Variants in TGIF1 observed in about 807,000 individuals in gnomAD.
The protein encoded by TGIF1 is homeobox protein TGIF1.
A neutral mutation model predicts 19.3 loss-of-function variants in TGIF1; 4 were observed. The observed-to-expected ratio is 0.21, with a 90% confidence interval of 0.10 to 0.47. TGIF1 has a LOEUF of 0.47. Among genes scored for constraint, TGIF1 ranks in the 20% least tolerant of loss-of-function variants. The pLI is 0.98. For synonymous variants in TGIF1, 122 were observed against 129.3 expected (o/e 0.94, Z 0.38); for missense variants, 275 against 341.4 (o/e 0.81, Z 1.53).
chr18:3,445,178 G>A (rs188390402), upstream of TGIF1, among the ~76,000 whole-genome samples: 17 of 152,284 alleles, frequency 1.1e-4, no homozygotes, highest in East Asian at 2.5e-3. Flanking sequence ...GGTGATCAGC[G>A]AAGACTCCTC....
chr18:3,450,611 C>T (rs1416692447), intron 1 of TGIF1, 106 bp downstream of exon 1: 1 of 1,543,426 alleles, frequency 6.5e-7, no homozygotes, highest in Non-Finnish European at 8.7e-7. Context: ...CGCCCAGGGG[C>T]TCTCATGCTG....
intron 2 of TGIF1, among the ~76,000 whole-genome samples, chr18:3,428,642 C>A (rs1399794661): frequency 1.3e-5 from 2 of 151,918 alleles, no homozygotes; most frequent in Non-Finnish European, 2.9e-5. Flanking sequence ...GAGGCTGAGG[C>A]GGGAGAATCA....
intron 2 of TGIF1, among the ~76,000 whole-genome samples, chr18:3,441,383 C>A (rs2143237495): frequency 6.6e-6 from 1 of 152,336 alleles, no homozygotes; most frequent in Non-Finnish European, 1.5e-5. Context: ...TTTACTCATG[C>A]TTTCTTCTAG....
intron 2 of TGIF1, among the ~76,000 whole-genome samples, chr18:3,428,444 A>C (rs2082502012): frequency 6.6e-6 from 1 of 152,070 alleles, no homozygotes; most frequent in Admixed American, 6.6e-5. Flanking sequence ...TATTTTTAAA[A>C]ATTATTTTGG....
upstream of TGIF1, among the ~76,000 whole-genome samples, chr18:3,446,040 A>C (rs1319264876): frequency 6.6e-6 from 1 of 152,170 alleles, no homozygotes; most frequent in African/African-American, 2.4e-5. Context: ...AGTGATCTTG[A>C]CTTTTTAAAA....
intron 2 of TGIF1, among the ~76,000 whole-genome samples, chr18:3,427,922 T>C (rs773652895): frequency 3.3e-5 from 5 of 152,284 alleles, no homozygotes; most frequent in Admixed American, 6.5e-5. Flanking sequence ...CTTAACTGAA[T>C]AAAGGAAAAT....
At chr18:3,436,057 C>T (rs779786144) in intron 2 of TGIF1, among the ~76,000 whole-genome samples, 1 of 152,150 alleles carries the variant, frequency 6.6e-6, no homozygotes, top group Non-Finnish European at 1.5e-5. Context: ...TCCCAAGCTA[C>T]TCATTTTTTC....
At chr18:3,436,026 C>A (rs1398464703) in intron 2 of TGIF1, among the ~76,000 whole-genome samples, 1 of 152,142 alleles carries the variant, frequency 6.6e-6, no homozygotes, top group Non-Finnish European at 1.5e-5. Context: ...GTGCACCTGG[C>A]CTTCCTTCGA....
chr18:3,446,487 C>G (rs2082748875), upstream of TGIF1, among the ~76,000 whole-genome samples: 1 of 152,136 alleles, frequency 6.6e-6, no homozygotes, highest in African/African-American at 2.4e-5. Context: ...CCCTGCCTAT[C>G]TTTTCGTTTT....
chr18:3,456,049 G>C lies in TGIF1; in HGVS notation c.17-305G>C. On this transcript the variant is annotated intron_variant, in intron 1 of 2. Coordinates refer to ENST00000343820, the MANE Select transcript of TGIF1 (RefSeq NM_003244.4). The surrounding 1 kb of genome is among the most constrained non-coding windows in gnomAD (Gnocchi z 4.2). ...AGGTTATTCATTTTGGGTGCAGTTT[G>C]TCTCCTCCAATGATTAGACGAAAGA... 1 of 425,032 alleles carries C rather than the reference G, an allele frequency of 2.4e-6. No individual in the cohort carries two copies. Among genetic ancestry groups the C allele is most frequent in the Non-Finnish European group, 4.4e-6 (1 of 226,588 alleles). 26.3% of individuals were successfully genotyped at this position (425,032 alleles called of 1,614,324 possible).
At chr18:3,424,765 C>T (rs1183530285) in intron 2 of TGIF1, among the ~76,000 whole-genome samples, 3 of 152,124 alleles carry the variant, frequency 2.0e-5, no homozygotes, top group African/African-American at 7.2e-5. Context: ...TCCATAAAAC[C>T]CCCAAAGGAT....
chr18:3,419,653 T>C (rs2082375517), intron 2 of TGIF1, among the ~76,000 whole-genome samples: 1 of 152,240 alleles, frequency 6.6e-6, no homozygotes, highest in Non-Finnish European at 1.5e-5. Context: ...ATCACTGGAC[T>C]ACCCTTGGTG....
chr18:3,412,198 C>A (rs1485517080), exon 1 of TGIF1: 1 of 152,242 alleles, frequency 6.6e-6, no homozygotes, highest in Non-Finnish European at 1.5e-5. Context: ...CCTGCGCATG[C>A]TCGGTGCTGC....
chr18:3,433,855 A>T (rs2082582081), intron 2 of TGIF1, among the ~76,000 whole-genome samples: 2 of 152,188 alleles, frequency 1.3e-5, no homozygotes, highest in African/African-American at 4.8e-5. Context: ...TGAACTGTAT[A>T]TTTAAAATTG....
intron 2 of TGIF1, among the ~76,000 whole-genome samples, chr18:3,440,305 T>C (rs143105398): frequency 5.8e-4 from 88 of 151,632 alleles, no homozygotes; most frequent in African/African-American, 2.0e-3. Context: ...TGAGCCGATA[T>C]CGTGCCACTG....
intron 1 of TGIF1, among the ~76,000 whole-genome samples, chr18:3,416,896 A>C (rs917213857): frequency 6.6e-6 from 1 of 151,974 alleles, no homozygotes; most frequent in African/African-American, 2.4e-5. Context: ...ATCCCATTGC[A>C]CTCCAGCCTG....
chr18:3,448,020 G>A (rs905083425), upstream of TGIF1: 10 of 977,724 alleles, frequency 1.0e-5, no homozygotes, highest in East Asian at 1.0e-3. Flanking sequence ...GCGTGGCCAA[G>A]GAGAACCACG....
At chr18:3,447,619 T>TG (rs1223831738), upstream of TGIF1, 8 of 1,113,832 alleles carry the variant, frequency 7.2e-6, no homozygotes, top group East Asian at 2.4e-5. Flanking sequence ...CAGCGTTGGC[T>TG]GGGGGGAGGC....
At chr18:3,433,101 T>G (rs1455035972) in intron 2 of TGIF1, among the ~76,000 whole-genome samples, 1 of 150,574 alleles carries the variant, frequency 6.6e-6, no homozygotes, top group African/African-American at 2.5e-5. Context: ...TGATTCTGAT[T>G]CTCACTCTGT....
Sources: allele counts gnomAD v4.1 joint callset (sites outside exome capture counted in the v4.1 genomes callset), GRCh38; gene constraint gnomAD v4.1.1; non-coding constraint Gnocchi (gnomAD v3.1); transcripts MANE v1.5; gene names NCBI Gene and HGNC (gene_info 2026-07-23, HGNC 2026-07-21).